The following DNAH17 variants were observed in gnomAD, a reference collection of about 807,000 sequenced individuals.
DNAH17 encodes axonemal beta dynein heavy chain 17.
In DNAH17, 376 loss-of-function variants were observed where a neutral mutation model predicts 485.6. That is an observed-to-expected ratio of 0.77 (90% CI 0.71 to 0.84). The LOEUF (loss-of-function observed/expected upper bound fraction) is 0.84. Ranked by LOEUF, DNAH17 falls within the 40% of genes least tolerant of loss-of-function variation. DNAH17 has a pLI of 0.00. For missense variants in DNAH17, 6,370 were observed against 5,839.3 expected (o/e 1.09, Z -2.96); for synonymous variants, 3,031 against 2,405.9 (o/e 1.26, Z -7.60).
chr17:78,459,818 C>G lies in DNAH17; in HGVS notation c.9619G>C (p.Glu3207Gln), dbSNP rs768400135. Residue 3207 changes from glutamate to glutamine, a missense_variant, in exon 60 of 81, where the codon GAG becomes CAG. Glu to Gln is a conservative substitution (Grantham distance 29, BLOSUM62 2). Coordinates refer to ENST00000389840, the MANE Select transcript of DNAH17 (RefSeq NM_173628.4). ...FLDSLKKFDK[E>Q]HIPEACLKAF... ...TTCAGGCAGGCCTCAGGGATGTGCT[C>G]CTTGTCGAACTTCTTCAGGGAGTCT... is the stretch of plus-strand genomic sequence containing the variant. 4.3e-6 allele frequency: 7 copies of G among 1,614,048 alleles called. No homozygotes were observed. The South Asian group carries it at 6.6e-5, about 15-fold the overall frequency.
chr17:78,533,811 A>G (rs1022711770), intron 19 of DNAH17, among the ~76,000 whole-genome samples: 1 of 151,890 alleles, frequency 6.6e-6, no homozygotes, highest in Non-Finnish European at 1.5e-5. Context: ...CAGCCTCCCA[A>G]ATAGCTGGGA....
At chr17:78,485,798 G>A (rs187103040) in intron 46 of DNAH17, 41 bp from the exon 47 acceptor site, 1 of 1,602,964 alleles carries the variant, frequency 6.2e-7, no homozygotes, top group Admixed American at 1.7e-5. Flanking sequence ...GTGATTCTCA[G>A]ACACTTCTGC....
intron 33 of DNAH17, chr17:78,502,382 G>T: frequency 2.1e-6 from 1 of 466,320 alleles, no homozygotes. Context: ...TATTTCTGAA[G>T]GTGTCTGTTA....
chr17:78,453,017 G>A (rs2087622449), intron 65 of DNAH17, among the ~76,000 whole-genome samples: 1 of 152,204 alleles, frequency 6.6e-6, no homozygotes, highest in Admixed American at 6.5e-5. Context: ...TTTACGTTAT[G>A]TGAATTTTTA....
intron 48 of DNAH17, among the ~76,000 whole-genome samples, chr17:78,482,614 G>T (rs1170428979): frequency 6.6e-6 from 1 of 152,124 alleles, no homozygotes; most frequent in African/African-American, 2.4e-5. Context: ...TCAGGTCACA[G>T]ATGTTGTCCC....
intron 31 of DNAH17, 47 bp from the exon 32 acceptor site, chr17:78,503,058 T>G: frequency 6.4e-7 from 1 of 1,560,564 alleles, no homozygotes; most frequent in South Asian, 1.2e-5. Flanking sequence ...TGTGCCTGCC[T>G]CTAGTTCCAA....
intron 11 of DNAH17, 36 bp downstream of exon 11, chr17:78,566,578 G>T: frequency 7.0e-7 from 1 of 1,433,810 alleles, no homozygotes; most frequent in Non-Finnish European, 9.7e-7. Flanking sequence ...ACAGTGCCAG[G>T]CTCCAGATCT....
chr17:78,554,023 G>A (rs992464865), intron 14 of DNAH17, among the ~76,000 whole-genome samples: 2 of 151,970 alleles, frequency 1.3e-5, no homozygotes, highest in African/African-American at 4.8e-5. Context: ...TCAAACTCCT[G>A]AGCTCCAGCC....
chr17:78,476,302 C>T (rs1232691228), intron 52 of DNAH17, among the ~76,000 whole-genome samples: 3 of 148,322 alleles, frequency 2.0e-5, no homozygotes, highest in African/African-American at 7.5e-5. Context: ...AGCCAAGTGC[C>T]GGAATTATCA....
chr17:78,558,007 T>C lies in DNAH17; in HGVS notation c.2178+101A>G. ...AATGAATTTGAGTGAATGGGAAGAT[T>C]TCCCAGGAAGAGCCACATCTCTGAA... On this transcript the variant is annotated intron_variant, in intron 14 of 80. Transcript: ENST00000389840. 3 of 1,378,486 alleles carry C rather than the reference T, an allele frequency of 2.2e-6. No homozygotes were observed. The South Asian group carries it at 4.5e-5, about 21-fold the overall frequency. 85.4% of individuals were successfully genotyped at this position (1,378,486 alleles called of 1,614,324 possible). A position where few individuals can be genotyped will look rare whatever the true frequency, so the allele number is the denominator to read the frequency against.
At position 78,494,123 on chromosome 17, in the gene DNAH17, G is replaced by C. The variant is rs749426170; in HGVS notation, c.6321C>G (p.Phe2107Leu). ...VELKLQAEDS[F>L]VLKVVQLEEL... ...CCTCCAGCTGCACCACCTTCAGCACGAAGCTGTCCTCCGCCTGCAGCTTGA... is the reference window on the plus strand; with the variant it reads ...CCTCCAGCTGCACCACCTTCAGCACCAAGCTGTCCTCCGCCTGCAGCTTGA... Residue 2107 changes from phenylalanine to leucine, a missense_variant, in exon 41 of 81, where the codon TTC becomes TTG. Physicochemically the swap from Phe to Leu is conservative, Grantham distance 22. Coordinates refer to ENST00000389840, the MANE Select transcript of DNAH17 (RefSeq NM_173628.4). The C allele has an allele frequency of 1.2e-6, 2 of 1,612,716 alleles. No individual in the cohort carries two copies. The highest frequency in any genetic ancestry group is 1.7e-6 in the Non-Finnish European group (2 of 1,179,844).
At chr17:78,529,835 C>T (rs1342898666) in intron 21 of DNAH17, 141 bp from the exon 22 acceptor site, 4 of 793,002 alleles carry the variant, frequency 5.0e-6, no homozygotes, top group Non-Finnish European at 7.9e-6. Flanking sequence ...GGGAGCGCCC[C>T]TGCCCACCTT....
At chr17:78,551,011 G>C (rs1422807586) in intron 16 of DNAH17, among the ~76,000 whole-genome samples, 1 of 152,164 alleles carries the variant, frequency 6.6e-6, no homozygotes, top group African/African-American at 2.4e-5. Context: ...TTGAGGTCAG[G>C]AGTTCAAGAC....
At chr17:78,432,052 C>G (rs143198480) in intron 75 of DNAH17, among the ~76,000 whole-genome samples, 2 of 151,752 alleles carry the variant, frequency 1.3e-5, no homozygotes, top group African/African-American at 4.8e-5. Context: ...GCATTGTGGC[C>G]GCTGTAGTCC....
intron 80 of DNAH17, 132 bp downstream of exon 80, chr17:78,425,212 CCT>C (rs2086386548): frequency 4.1e-5 from 35 of 844,612 alleles, no homozygotes; most frequent in South Asian, 1.0e-4. Flanking sequence ...GCTGATGCCC[CCT>C]GAGAGCACCT....
At chr17:78,510,675 G>T in intron 26 of DNAH17, 169 bp from the exon 27 acceptor site, 1 of 833,366 alleles carries the variant, frequency 1.2e-6, no homozygotes, top group Non-Finnish European at 1.8e-6. Context: ...TTGAGGAAGT[G>T]ACTTCTCCAA....
At chr17:78,429,577 C>G (rs2086602997) in intron 75 of DNAH17, among the ~76,000 whole-genome samples, 1 of 152,218 alleles carries the variant, frequency 6.6e-6, no homozygotes, top group East Asian at 1.9e-4. Context: ...ACAGCGCTTC[C>G]ACAGCCGGCA....
chr17:78,458,920 C>T, intron 61 of DNAH17, 81 bp downstream of exon 61: 1 of 1,469,198 alleles, frequency 6.8e-7, no homozygotes. Flanking sequence ...CGTGCCAACC[C>T]ATTTTCAACA....
intron 17 of DNAH17, among the ~76,000 whole-genome samples, chr17:78,542,572 T>A (rs866376895): frequency 6.6e-6 from 1 of 152,134 alleles, no homozygotes; most frequent in African/African-American, 2.4e-5. Flanking sequence ...GAGGAGGATA[T>A]GAAAACCCCT....
Sources: allele counts gnomAD v4.1 joint callset (sites outside exome capture counted in the v4.1 genomes callset), GRCh38; gene constraint gnomAD v4.1.1; transcripts MANE v1.5; gene names NCBI Gene and HGNC (gene_info 2026-07-23, HGNC 2026-07-21).